Variants in NTM observed in about 807,000 individuals in gnomAD.
NTM encodes IgLON family member 2.
In NTM, 13 loss-of-function variants were observed where a neutral mutation model predicts 42.1. The observed-to-expected ratio is 0.31, with a 90% CI of 0.20 to 0.49. The LOEUF (loss-of-function observed/expected upper bound fraction) is 0.49, where lower values mean the gene tolerates loss of function less well. NTM is among the 20% of genes least tolerant of loss of function. The pLI is 0.99. For synonymous variants in NTM, 187 were observed against 179.2 expected (o/e 1.04, Z -0.35); for missense variants, 373 against 452.8 (o/e 0.82, Z 1.60).
At chr11:131,641,095 G>T (rs2065073236) in intron 1 of NTM, among the ~76,000 whole-genome samples, 1 of 152,142 alleles carries the variant, frequency 6.6e-6, no homozygotes, top group Admixed American at 6.5e-5. Flanking sequence ...ACAATTAATG[G>T]CTGTCGACAC....
intron 1 of NTM, among the ~76,000 whole-genome samples, chr11:131,858,263 T>C (rs1162452612): frequency 2.0e-5 from 3 of 152,206 alleles, no homozygotes; most frequent in East Asian, 3.9e-4. Flanking sequence ...CTTCTATGAA[T>C]AGGCCAGGAT....
At chr11:131,584,611 T>G (rs2512895) in intron 1 of NTM, among the ~76,000 whole-genome samples, 23,848 of 152,284 alleles carry the variant, frequency 0.16, 1,990 homozygotes, top group South Asian at 0.31. Flanking sequence ...AACGAGCGTG[T>G]ATTTGTTTAT....
chr11:131,696,453 C>T (rs539308327), intron 1 of NTM, among the ~76,000 whole-genome samples: 2 of 152,192 alleles, frequency 1.3e-5, no homozygotes, highest in South Asian at 2.1e-4. Flanking sequence ...TTCCCTTCTG[C>T]CCACAAGCCT....
At chr11:132,196,190 GA>G (rs374378488) in intron 3 of NTM, among the ~76,000 whole-genome samples, 42 of 151,654 alleles carry the variant, frequency 2.8e-4, no homozygotes, top group Non-Finnish European at 4.3e-4. Flanking sequence ...AAATATATGG[GA>G]AAAAAAAGCT....
intron 1 of NTM, among the ~76,000 whole-genome samples, chr11:131,514,540 C>CT (rs1473610322): frequency 2.0e-5 from 3 of 152,006 alleles, no homozygotes; most frequent in Admixed American, 1.3e-4. Context: ...TTATGTGTTA[C>CT]TTTTTTAAAA....
In NTM at chr11:131,376,290, C is replaced by A. The variant is rs902686199; in HGVS notation, c.82+5402C>A. On this transcript the variant is annotated intron_variant, in intron 1 of 8. Transcript: ENST00000683400. ...CTCTAATTTTCCATATCAAATTTAT[C>A]TTTGCCTATTTCCTGCTTTTTTTCT... 3.3e-5 allele frequency among the ~76,000 whole-genome samples: 5 copies of A among 152,326 alleles called. No individual in the cohort carries two copies. The East Asian group carries it at 5.8e-4, about 18-fold the overall frequency.
intron 2 of NTM, among the ~76,000 whole-genome samples, chr11:131,998,508 C>A (rs2068541367): frequency 6.6e-6 from 1 of 152,164 alleles, no homozygotes; most frequent in Admixed American, 6.5e-5. Context: ...TAGTACTTAA[C>A]CAGCTGTTTT....
At chr11:131,752,461 C>T in intron 1 of NTM, among the ~76,000 whole-genome samples, 1 of 152,186 alleles carries the variant, frequency 6.6e-6, no homozygotes, top group Non-Finnish European at 1.5e-5. Flanking sequence ...CTAGTTCAAC[C>T]ATTGTGGAAG....
At chr11:131,583,365 GATATTAAA>G (rs1259994741) in intron 1 of NTM, among the ~76,000 whole-genome samples, 2 of 152,076 alleles carry the variant, frequency 1.3e-5, no homozygotes, top group Non-Finnish European at 2.9e-5. Context: ...GTGGCAAATA[GATATTAAA>G]ATATTAAATC....
At chr11:131,563,398 G>C (rs1565642901) in intron 1 of NTM, among the ~76,000 whole-genome samples, 1 of 152,074 alleles carries the variant, frequency 6.6e-6, no homozygotes, top group Non-Finnish European at 1.5e-5. Flanking sequence ...CCCTCTCTGG[G>C]GAAGACTGCA....
At chr11:131,552,672 G>A (rs1479912715) in intron 1 of NTM, among the ~76,000 whole-genome samples, 3 of 151,922 alleles carry the variant, frequency 2.0e-5, no homozygotes, top group Non-Finnish European at 4.4e-5. Flanking sequence ...CAAAAAATTA[G>A]CCGGGCATGG....
At chr11:132,155,717 C>G (rs1230524974) in intron 3 of NTM, among the ~76,000 whole-genome samples, 1 of 152,200 alleles carries the variant, frequency 6.6e-6, no homozygotes, top group African/African-American at 2.4e-5. Context: ...ATTCTGAGGG[C>G]TAGGCTGGCC....
intron 1 of NTM, among the ~76,000 whole-genome samples, chr11:131,820,750 G>A (rs988216767): frequency 1.3e-5 from 2 of 152,162 alleles, no homozygotes; most frequent in Admixed American, 6.5e-5. Context: ...TGTATTTCAC[G>A]ATCTGAAAGT....
intron 1 of NTM, among the ~76,000 whole-genome samples, chr11:131,901,843 G>A (rs2053206246): frequency 6.6e-6 from 1 of 152,194 alleles, no homozygotes; most frequent in Non-Finnish European, 1.5e-5. Flanking sequence ...CAGCACATAA[G>A]TTCATTTTCC....
Position 131,598,860 on chromosome 11 carries a change from C to CTTTCTTTCTTTCTTTCTTTTTCTTTCTTT in NTM, c.82+227972_82+227973insTTTCTTTCTTTCTTTCTTTTTCTTTCTTT, listed in dbSNP as rs2060178039. On this transcript the variant is annotated intron_variant, in intron 1 of 8. Coordinates refer to ENST00000683400, the MANE Select transcript of NTM (RefSeq NM_001352005.2). ...TTCTTTCTTTCTTTCTTCCTTCCTT[C>CTTTCTTTCTTTCTTTCTTTTTCTTTCTTT]CTTCCTTCCTTCCTTCTTCCTTCCT... Among the ~76,000 whole-genome samples, 2 of 39,092 alleles carry CTTTCTTTCTTTCTTTCTTTTTCTTTCTTT rather than the reference C, an allele frequency of 5.1e-5. 1 individual carries two copies. Among genetic ancestry groups the CTTTCTTTCTTTCTTTCTTTTTCTTTCTTT allele is most frequent in the African/African-American group, 1.3e-4 (2 of 15,336 alleles). The allele number at this position is 39,092 out of a possible 152,430, so 25.6% of individuals were successfully genotyped here.
At chr11:131,898,742 T>C (rs2052673483) in intron 1 of NTM, among the ~76,000 whole-genome samples, 1 of 152,210 alleles carries the variant, frequency 6.6e-6, no homozygotes, top group Non-Finnish European at 1.5e-5. Flanking sequence ...GAGAACATTT[T>C]CTAAAGCCAG....
intron 1 of NTM, among the ~76,000 whole-genome samples, chr11:131,457,912 C>T (rs1951044492): frequency 6.6e-6 from 1 of 152,060 alleles, no homozygotes; most frequent in African/African-American, 2.4e-5. Context: ...AGAAGAGAGC[C>T]CTCACAGAAG....
intron 2 of NTM, among the ~76,000 whole-genome samples, chr11:131,990,530 T>C (rs2066838570): frequency 6.6e-6 from 1 of 151,914 alleles, no homozygotes; most frequent in African/African-American, 2.4e-5. Context: ...TGTGTGTCTA[T>C]AATGTGTGTG....
chr11:132,245,167 C>T (rs2139281652), intron 4 of NTM, among the ~76,000 whole-genome samples: 1 of 152,298 alleles, frequency 6.6e-6, no homozygotes, highest in South Asian at 2.1e-4. Flanking sequence ...TTTGCCGGGG[C>T]ATGGGTGGAA....
Sources: allele counts gnomAD v4.1 joint callset (sites outside exome capture counted in the v4.1 genomes callset), GRCh38; gene constraint gnomAD v4.1.1; transcripts MANE v1.5; gene names NCBI Gene and HGNC (gene_info 2026-07-23, HGNC 2026-07-21).